The following TIGD2 variants were observed in gnomAD, a reference collection of about 807,000 sequenced individuals.
TIGD2 encodes tigger transposable element derived 2.
In TIGD2, 14 loss-of-function variants were observed where a neutral mutation model predicts 27.0. The observed-to-expected ratio is 0.52, with a 90% confidence interval of 0.34 to 0.81. The LOEUF is 0.81. Among genes scored for constraint, TIGD2 ranks in the 30% least tolerant of loss-of-function variants. The pLI, the probability that TIGD2 is intolerant of heterozygous loss-of-function variation, is 0.01. For missense variants in TIGD2, 590 were observed against 617.3 expected, an observed-to-expected ratio of 0.96 and a Z score of 0.47; for synonymous variants, 201 against 209.0, an observed-to-expected ratio of 0.96 and a Z score of 0.33.
At position 89,114,119 on chromosome 4, in the gene TIGD2, C is replaced by T; in HGVS notation, c.1145C>T (p.Thr382Ile). ...AWNMVKSSTI[T>I]KAWKKLFPGN... The stretch of plus-strand genomic sequence containing the variant: ...AACATGGTAAAATCAAGTACCATAA[C>T]CAAAGCATGGAAAAAACTTTTCCCT... Residue 382 changes from threonine to isoleucine, a missense_variant, in exon 2 of 2, where the codon ACC (threonine) becomes ATC (isoleucine). This residue lies in a region of TIGD2 where 451 missense variants were observed against 448.0 expected (regional missense o/e 1.01). Transcript: ENST00000603357. 1 of 1,614,066 alleles carries T rather than the reference C, an allele frequency of 6.2e-7. No homozygotes were observed. The highest frequency in any genetic ancestry group is 8.5e-7 in the Non-Finnish European group (1 of 1,180,004).
chr4:89,114,049 A>T lies in TIGD2; in HGVS notation c.1075A>T (p.Asn359Tyr). 1.9e-6 allele frequency: 3 copies of T among 1,614,118 alleles called. No individual in the cohort carries two copies. Among genetic ancestry groups the T allele is most frequent in the Non-Finnish European group, 2.5e-6 (3 of 1,180,022 alleles). Residue 359 changes from asparagine (N) to tyrosine (Y), a missense_variant, in exon 2 of 2, where the codon AAC becomes TAC. Physicochemically the swap from Asn to Tyr is moderately radical, Grantham distance 143. This residue lies in a region of TIGD2 where 451 missense variants were observed against 448.0 expected (regional missense o/e 1.01). Coordinates refer to ENST00000603357, the MANE Select transcript of TIGD2 (RefSeq NM_145715.3). ...AAATGACCCAAAAATATTTTGGAAG[A>T]ACTTGACAGTGTTGGATGCAATTTA... ...EGNDPKIFWK[N>Y]LTVLDAIYEV...
At position 89,112,835 on chromosome 4, in the gene TIGD2, C is replaced by T; in HGVS notation, c.-140C>T. The stretch of plus-strand genomic sequence containing the variant: ...GCAAGTAGATTCACGTAGACCTTGT[C>T]AGGAAATTGGTCACTATCCATCTAG... On this transcript the variant is annotated 5_prime_UTR_variant, in exon 2 of 2. Transcript: ENST00000603357. The T allele has an allele frequency of 1.5e-6, 1 of 672,358 alleles. No individual in the cohort carries two copies. 41.6% of individuals were successfully genotyped at this position (672,358 alleles called of 1,614,324 possible). A position where few individuals can be genotyped will look rare whatever the true frequency, so the allele number is the denominator to read the frequency against.
At position 89,114,379 on chromosome 4, in the gene TIGD2, G is replaced by A. The variant is rs771647880; in HGVS notation, c.1405G>A (p.Glu469Lys). 6.2e-7 allele frequency: 1 copy of A among 1,614,068 alleles called. No homozygotes were observed. Among genetic ancestry groups the A allele is most frequent in the Non-Finnish European group, 8.5e-7 (1 of 1,179,984 alleles). The stretch of plus-strand genomic sequence containing the variant: ...GCCTTCCAGTAAGAGTAGAAAAACA[G>A]AACTGAATCCAGAGAAGCATATTAG... ...QKPSSKSRKTELNPEKHISHK... is the reference protein window; with the variant it reads ...QKPSSKSRKTKLNPEKHISHK... The change falls in exon 2 of 2, where the codon GAA (glutamate) becomes AAA (lysine). Residue 469 changes from glutamate (E) to lysine (K), a missense_variant. By Grantham distance (56) the Glu-to-Lys change is moderately conservative. Around this residue, in one of 3 missense-constraint regions of TIGD2, gnomAD observed 451 missense variants for 448.0 expected, o/e 1.01. Coordinates refer to ENST00000603357, the MANE Select transcript of TIGD2 (RefSeq NM_145715.3).
At position 89,114,247 on chromosome 4, in the gene TIGD2, A is replaced by C. The variant is rs144834721; in HGVS notation, c.1273A>C (p.Ile425Leu). Reference sequence around the variant, plus strand: ...CACAGAAGAATGTGAACATGTTGACATTGAGAATATTGATCAGTGGTTCGA... The same window carrying C: ...CACAGAAGAATGTGAACATGTTGACCTTGAGAATATTGATCAGTGGTTCGA... The part of the protein sequence containing the change: ...QNTEECEHVD[I>L]ENIDQWFDSR... Residue 425 changes from isoleucine (I) to leucine (L), a missense_variant, in exon 2 of 2, where the codon ATT (isoleucine) becomes CTT (leucine). Ile to Leu is a conservative substitution (Grantham distance 5, BLOSUM62 2). Around this residue, in one of 3 missense-constraint regions of TIGD2, gnomAD observed 451 missense variants for 448.0 expected, o/e 1.01. Coordinates refer to ENST00000603357, the MANE Select transcript of TIGD2 (RefSeq NM_145715.3). The C allele has an allele frequency of 1.3e-5, 21 of 1,614,172 alleles. No individual in the cohort carries two copies. In the African/African-American group the frequency reaches 2.1e-4, roughly 16 times the overall value.
rs1255757661 is a variant in TIGD2, at chr4:89,114,784, A to C, written c.*232A>C. 2 of 424,052 alleles carry C rather than the reference A, an allele frequency of 4.7e-6. No homozygotes were observed. The highest frequency in any genetic ancestry group is 8.6e-6 in the Non-Finnish European group (2 of 232,860). 26.3% of individuals were successfully genotyped at this position (424,052 alleles called of 1,614,324 possible). A position where few individuals can be genotyped will look rare whatever the true frequency, so the allele number is the denominator to read the frequency against. On this transcript the variant is annotated 3_prime_UTR_variant, in exon 2 of 2. Transcript: ENST00000603357. ...TTCTAATATCTATTAATTAGATCAT[A>C]AGGTACCTGAGGCCAGGGATCTTGT... is the stretch of plus-strand genomic sequence containing the variant.
Position 89,112,887 on chromosome 4 carries a change from A to T in TIGD2, c.-88A>T. ...CCCTAGAAGTGAGAGGAGGAATCTT[A>T]CGAACTCATTTTCTAGTTGCTTTGT... On this transcript the variant is annotated 5_prime_UTR_variant, in exon 2 of 2. Coordinates refer to ENST00000603357, the MANE Select transcript of TIGD2 (RefSeq NM_145715.3). 1.7e-6 allele frequency: 2 copies of T among 1,198,684 alleles called. No individual in the cohort carries two copies. Among genetic ancestry groups the T allele is most frequent in the Non-Finnish European group, 2.3e-6 (2 of 853,456 alleles). The allele number at this position is 1,198,684 out of a possible 1,614,324, so 74.3% of individuals were successfully genotyped here.
In TIGD2 at chr4:89,113,523, GA is replaced by G; in HGVS notation, c.552del (p.Lys184AsnfsTer8). 5.6e-6 allele frequency: 9 copies of G among 1,614,078 alleles called. No homozygotes were observed. The highest frequency in any genetic ancestry group is 7.6e-6 in the Non-Finnish European group (9 of 1,180,000). On this transcript the variant is annotated frameshift_variant, in exon 2 of 2. Transcript: ENST00000603357. LOFTEE classifies it high-confidence loss of function. ...YGADQTGLFWKCLPSRTLTLE... is the reference protein window; with the variant it reads ...YGADQTGLFWXCLPSRTLTLE... ...GTGCTGATCAAACTGGATTGTTTTGGAAATGTCTACCATCAAGGACATTAAC... is the reference window on the plus strand; with the variant it reads ...GTGCTGATCAAACTGGATTGTTTTGGAATGTCTACCATCAAGGACATTAAC...
At position 89,113,932 on chromosome 4, in the gene TIGD2, A is replaced by G. The variant is rs150222150; in HGVS notation, c.958A>G (p.Thr320Ala). Reference protein sequence around the residue: ...IIVKYLPPNVTSLIQPMSQGV... With the variant: ...IIVKYLPPNVASLIQPMSQGV... Reference sequence around the variant, plus strand: ...TGTGAAGTATTTGCCACCAAATGTCACAAGTCTGATTCAACCAATGAGCCA... The same window carrying G: ...TGTGAAGTATTTGCCACCAAATGTCGCAAGTCTGATTCAACCAATGAGCCA... The change falls in exon 2 of 2, where the codon ACA (threonine) becomes GCA (alanine). Residue 320 changes from threonine to alanine, a missense_variant. Coordinates refer to ENST00000603357, the MANE Select transcript of TIGD2 (RefSeq NM_145715.3). The G allele has an allele frequency of 1.2e-3, 1,870 of 1,614,152 alleles. 38 individuals carry two copies. The Admixed American group carries it at 0.029, about 25-fold the overall frequency.
chr4:89,113,343 A>G lies in TIGD2; in HGVS notation c.369A>G (p.Ser123=), dbSNP rs1388809034. 11 of 1,614,248 alleles carry G rather than the reference A, an allele frequency of 6.8e-6. No homozygotes were observed. Among genetic ancestry groups the G allele is most frequent in the Non-Finnish European group, 9.3e-6 (11 of 1,180,050 alleles). Residue 123 remains serine (S), a synonymous_variant, in exon 2 of 2, where the codon TCA becomes TCG. Transcript: ENST00000603357. ...TGGAAGGTGATTTTAATGCATCGTC[A>G]GGCTGGCTAACTCGATTTAAGCAGC... is the stretch of plus-strand genomic sequence containing the variant. The part of the protein sequence containing the change: ...LGMEGDFNAS[S]GWLTRFKQRH...
chr4:89,111,248 T>G, upstream of TIGD2: 1 of 979,188 alleles, frequency 1.0e-6, no homozygotes, highest in Non-Finnish European at 1.2e-6. Flanking sequence ...TTTTAAAATT[T>G]CCCCCTAGGG....
Position 89,114,858 on chromosome 4 carries a change from A to C in TIGD2, c.*306A>C, listed in dbSNP as rs1158199397. The C allele has an allele frequency of 9.0e-6, 2 of 222,356 alleles. No individual in the cohort carries two copies. The highest frequency in any genetic ancestry group is 1.0e-4 in the East Asian group (1 of 9,778). The allele number at this position is 222,356 out of a possible 1,614,324, so 13.8% of individuals were successfully genotyped here. On this transcript the variant is annotated 3_prime_UTR_variant, in exon 2 of 2. Coordinates refer to ENST00000603357, the MANE Select transcript of TIGD2 (RefSeq NM_145715.3). ...TGTCTAATAAAGGCCCATGCACACT[A>C]TAGGCACTCAATAAAACTTACATTT...
rs747969960 is a variant in TIGD2 at position 89,113,311 on chromosome 4, T to C, written c.337T>C (p.Leu113=). The part of the protein sequence containing the change: ...AKQAKFFFDA[L]GMEGDFNASS... ...ACAAGCCAAGTTCTTTTTTGATGCT[T>C]TGGGAATGGAAGGTGATTTTAATGC... The change falls in exon 2 of 2, where the codon TTG becomes CTG. Residue 113 remains leucine, a synonymous_variant. Coordinates refer to ENST00000603357, the MANE Select transcript of TIGD2 (RefSeq NM_145715.3). The C allele has an allele frequency of 5.6e-6, 9 of 1,613,968 alleles. No individual in the cohort carries two copies. The highest frequency in any genetic ancestry group is 7.6e-6 in the Non-Finnish European group (9 of 1,180,024).
chr4:89,113,938 C>T lies in TIGD2; in HGVS notation c.964C>T (p.Leu322=). The change falls in exon 2 of 2, where the codon CTG becomes TTG. Residue 322 remains leucine (L), a synonymous_variant. Coordinates refer to ENST00000603357, the MANE Select transcript of TIGD2 (RefSeq NM_145715.3). ...GTATTTGCCACCAAATGTCACAAGT[C>T]TGATTCAACCAATGAGCCAGGGAGT... ...VKYLPPNVTS[L]IQPMSQGVLA... 6.2e-7 allele frequency: 1 copy of T among 1,614,078 alleles called. No individual in the cohort carries two copies. The highest frequency in any genetic ancestry group is 8.5e-7 in the Non-Finnish European group (1 of 1,179,982).
Position 89,112,843 on chromosome 4 carries a change from T to C in TIGD2, c.-132T>C. ...ATTCACGTAGACCTTGTCAGGAAAT[T>C]GGTCACTATCCATCTAGGCCCTAGA... On this transcript the variant is annotated 5_prime_UTR_variant, in exon 2 of 2. Transcript: ENST00000603357. 1.4e-6 allele frequency: 1 copy of C among 707,898 alleles called. No individual in the cohort carries two copies. The highest frequency in any genetic ancestry group is 2.2e-5 in the South Asian group (1 of 45,136). 43.9% of individuals were successfully genotyped at this position (707,898 alleles called of 1,614,324 possible). A position where few individuals can be genotyped will look rare whatever the true frequency, so the allele number is the denominator to read the frequency against.
Position 89,111,771 on chromosome 4 carries a change from G to C in TIGD2, c.-1021G>C, listed in dbSNP as rs1307927595. The C allele has an allele frequency of 6.6e-6, 1 of 152,206 alleles. No homozygotes were observed. 9.4% of individuals were successfully genotyped at this position (152,206 alleles called of 1,614,324 possible). A position where few individuals can be genotyped will look rare whatever the true frequency, so the allele number is the denominator to read the frequency against. ...GTGACATCCTGGTCGCCGGCGTCCA[G>C]GCGGAATCCGGGCTCCCTCCGCGGG... On this transcript the variant is annotated 5_prime_UTR_variant, in exon 1 of 2. Transcript: ENST00000603357.
At position 89,114,466 on chromosome 4, in the gene TIGD2, A is replaced by G. The variant is rs778725168; in HGVS notation, c.1492A>G (p.Met498Val). The change falls in exon 2 of 2, where the codon ATG becomes GTG. Residue 498 changes from methionine to valine, a missense_variant. Met to Val is a conservative substitution (Grantham distance 21). This residue lies in a region of TIGD2 where 451 missense variants were observed against 448.0 expected (regional missense o/e 1.01). Transcript: ENST00000603357. ...LLDYLEQQDD[M>V]LLSDKLVLRR... is the part of the protein sequence containing the mutation. Reference sequence around the variant, plus strand: ...GGATTATCTTGAACAACAAGATGACATGCTTCTGTCTGATAAATTGGTATT... The same window carrying G: ...GGATTATCTTGAACAACAAGATGACGTGCTTCTGTCTGATAAATTGGTATT... The G allele has an allele frequency of 1.2e-6, 2 of 1,613,798 alleles. No individual in the cohort carries two copies. Among genetic ancestry groups the G allele is most frequent in the African/African-American group, 1.3e-5 (1 of 75,062 alleles).
chr4:89,111,261 A>G, upstream of TIGD2: 1 of 969,002 alleles, frequency 1.0e-6, no homozygotes, highest in South Asian at 4.8e-5. Flanking sequence ...CCCTAGGGAG[A>G]AAAGAGCCTC....
Position 89,114,221 on chromosome 4 carries a change from A to G in TIGD2, c.1247A>G (p.Asn416Ser). Residue 416 changes from asparagine to serine, a missense_variant, in exon 2 of 2, where the codon AAC becomes AGC. Physicochemically the swap from Asn to Ser is conservative, Grantham distance 46. Around this residue, in one of 3 missense-constraint regions of TIGD2, gnomAD observed 451 missense variants for 448.0 expected, o/e 1.01. Transcript: ENST00000603357. ...LAANLATVLQ[N>S]TEECEHVDIE... ...GCTAATTTAGCAACAGTTTTACAGA[A>G]CACAGAAGAATGTGAACATGTTGAC... The G allele has an allele frequency of 6.2e-7, 1 of 1,614,206 alleles. No homozygotes were observed. Among genetic ancestry groups the G allele is most frequent in the Non-Finnish European group, 8.5e-7 (1 of 1,180,046 alleles).
Position 89,114,548 on chromosome 4 carries a change from A to G in TIGD2, c.1574A>G (p.His525Arg). ...KKQKIQNNKN[H>R] ...CAGAAGATCCAAAATAACAAAAATC[A>G]TTAATAAGGCTCTTAAGTATTTCAG... Residue 525 changes from histidine to arginine, a missense_variant, in exon 2 of 2, where the codon CAT becomes CGT. By Grantham distance (29) the His-to-Arg change is conservative. Transcript: ENST00000603357. The G allele has an allele frequency of 6.3e-7, 1 of 1,580,372 alleles. No homozygotes were observed. Among genetic ancestry groups the G allele is most frequent in the Non-Finnish European group, 8.6e-7 (1 of 1,160,784 alleles).
Sources: allele counts gnomAD v4.1 joint callset, GRCh38; gene constraint gnomAD v4.1.1; regional missense constraint gnomAD v4.1.1; transcripts MANE v1.5; gene names NCBI Gene and HGNC (gene_info 2026-07-23, HGNC 2026-07-21).